The following LAMB2 variants were observed in gnomAD, a reference collection of about 807,000 sequenced individuals.
The protein encoded by LAMB2 is laminin subunit beta-2.
LAMB2 carries 119 observed loss-of-function variants against 202.7 expected under a neutral mutation model. The observed-to-expected ratio is 0.59, with a 90% CI of 0.51 to 0.68. The LOEUF is 0.68. Ranked by LOEUF, LAMB2 falls within the 30% of genes least tolerant of loss-of-function variation. The pLI is 0.00. For missense variants in LAMB2, 2,124 were observed against 2,410.6 expected (o/e 0.88, Z 2.49); for synonymous variants, 818 against 902.2 (o/e 0.91, Z 1.67).
Position 49,125,143 on chromosome 3 carries a change from G to C in LAMB2, c.2747C>G (p.Pro916Arg). The C allele has an allele frequency of 6.2e-7, 1 of 1,613,530 alleles. No homozygotes were observed. Among genetic ancestry groups the C allele is most frequent in the African/African-American group, 1.3e-5 (1 of 75,046 alleles). ...GCACTGGCCCCCATATGGCAGCCGT[G>C]GGTCCCCGTGGAAACCAGCAATGCA... ...ERCIAGFHGD[P>R]RLPYGGQCRP... Residue 916 changes from proline (P) to arginine (R), a missense_variant, in exon 20 of 32, where the codon CCA (proline) becomes CGA (arginine). By Grantham distance (103) the Pro-to-Arg change is moderately radical. Around this residue, in one of 3 missense-constraint regions of LAMB2, gnomAD observed 1,702 missense variants for 1,896.3 expected, o/e 0.90. Transcript: ENST00000305544.
In LAMB2 at chr3:49,131,182, C is replaced by T; in HGVS notation, c.713-30G>A. 1 of 1,604,332 alleles carries T rather than the reference C, an allele frequency of 6.2e-7. No individual in the cohort carries two copies. The highest frequency in any genetic ancestry group is 1.1e-5 in the South Asian group (1 of 90,730). On this transcript the variant is annotated intron_variant, in intron 6 of 31. Coordinates refer to ENST00000305544, the MANE Select transcript of LAMB2 (RefSeq NM_002292.4). This position sits in a 1 kb window ranked among gnomAD's most constrained non-coding sequence, Gnocchi z 5.0. ...GGCGGGGGAAGGGGGGCCAACTGAC[C>T]AGGCAGGCCCTTGCTGCCCCATGTC...
In LAMB2 at chr3:49,123,596, T is replaced by C. The variant is rs760928149; in HGVS notation, c.3833A>G (p.Gln1278Arg). Residue 1278 changes from glutamine to arginine, a missense_variant, in exon 25 of 32, where the codon CAG becomes CGG. This residue lies in a region of LAMB2 where 1,702 missense variants were observed against 1,896.3 expected (regional missense o/e 0.90). Coordinates refer to ENST00000305544, the MANE Select transcript of LAMB2 (RefSeq NM_002292.4). ...EIGEATEHLTQLEADLTDVQD... is the reference protein window; with the variant it reads ...EIGEATEHLTRLEADLTDVQD... The stretch of plus-strand genomic sequence containing the variant: ...CACATCTGTCAGGTCTGCCTCGAGC[T>C]GAGTCAGGTGCTCAGTGGCCTCCCC... 2 of 1,614,068 alleles carry C rather than the reference T, an allele frequency of 1.2e-6. No individual in the cohort carries two copies. Among genetic ancestry groups the C allele is most frequent in the Non-Finnish European group, 1.7e-6 (2 of 1,180,044 alleles).
chr3:49,132,672 A>C lies in LAMB2; in HGVS notation c.77-9T>G. 1 of 1,614,218 alleles carries C rather than the reference A, an allele frequency of 6.2e-7. No homozygotes were observed. The highest frequency in any genetic ancestry group is 8.5e-7 in the Non-Finnish European group (1 of 1,180,042). On this transcript the variant is annotated splice_polypyrimidine_tract_variant and intron_variant, in intron 1 of 31. Transcript: ENST00000305544. This position sits in a 1 kb window ranked among gnomAD's most constrained non-coding sequence, Gnocchi z 4.6. ...CAGTGTGGCAGCCAGCACTGGGGACAGTAGCTCAGTCAGTTCCGCTGAGTT... is the reference window on the plus strand; with the variant it reads ...CAGTGTGGCAGCCAGCACTGGGGACCGTAGCTCAGTCAGTTCCGCTGAGTT...
rs1044218277 is a variant in LAMB2, at chr3:49,133,035, T to A, written c.-168A>T. ...CAGCGGTCCCTCCGACAGCTTAGAG[T>A]CCAGCGACTTTGAGCAAAGTTGGGA... is the stretch of plus-strand genomic sequence containing the variant. On this transcript the variant is annotated 5_prime_UTR_variant, in exon 1 of 32. Coordinates refer to ENST00000305544, the MANE Select transcript of LAMB2 (RefSeq NM_002292.4). 1.1e-4 allele frequency: 72 copies of A among 633,782 alleles called. No individual in the cohort carries two copies. The African/African-American group carries it at 1.2e-3, about 10-fold the overall frequency. 39.3% of individuals were successfully genotyped at this position (633,782 alleles called of 1,614,324 possible). A position where few individuals can be genotyped will look rare whatever the true frequency, so the allele number is the denominator to read the frequency against.
Position 49,122,882 on chromosome 3 carries a change from C to G in LAMB2, c.4395G>C (p.Arg1465=), listed in dbSNP as rs146874007. The change falls in exon 27 of 32, where the codon CGG becomes CGC. Residue 1465 remains arginine, a synonymous_variant. Coordinates refer to ENST00000305544, the MANE Select transcript of LAMB2 (RefSeq NM_002292.4). ...RARHTQAELQ[R]ALAEGGSILS... is the part of the protein sequence containing the mutation. ...GGATGCTACCACCTTCTGCCAGTGC[C>G]CGCTGCAGCTCTGCCTGTGTGTGCC... 1 of 1,610,646 alleles carries G rather than the reference C, an allele frequency of 6.2e-7. No homozygotes were observed. The highest frequency in any genetic ancestry group is 8.5e-7 in the Non-Finnish European group (1 of 1,180,004).
At chr3:49,124,655 G>A (rs761299055) in intron 21 of LAMB2, 43 bp from the exon 22 acceptor site, 1 of 1,613,834 alleles carries the variant, frequency 6.2e-7, no homozygotes, top group South Asian at 1.1e-5. Flanking sequence ...AGGAGGCCAA[G>A]AAGCAGAACC....
chr3:49,130,396 G>C lies in LAMB2; in HGVS notation c.1060C>G (p.His354Asp), dbSNP rs1348409720. The change falls in exon 9 of 32, where the codon CAC becomes GAC. Residue 354 changes from histidine (H) to aspartate (D), a missense_variant. Transcript: ENST00000305544. This position sits in a 1 kb window ranked among gnomAD's most constrained non-coding sequence, Gnocchi z 5.0. The part of the protein sequence containing the change: ...CRKCECHGHT[H>D]SCHFDMAVYL... ...ACGGCCATGTCGAAGTGGCAGCTGT[G>C]GGTGTGCCCATGGCACTCACACTCT... is the stretch of plus-strand genomic sequence containing the variant. 1.2e-6 allele frequency: 2 copies of C among 1,613,902 alleles called. No individual in the cohort carries two copies. Among genetic ancestry groups the C allele is most frequent in the Non-Finnish European group, 1.7e-6 (2 of 1,180,050 alleles).
chr3:49,129,813 T>A lies in LAMB2; in HGVS notation c.1405+26A>T, dbSNP rs765293989. ...AGAGGACAGGGGTTAAAGGTCAGCATAGAAGTTAGGGCAGGAGACACATAC... is the reference window on the plus strand; with the variant it reads ...AGAGGACAGGGGTTAAAGGTCAGCAAAGAAGTTAGGGCAGGAGACACATAC... On this transcript the variant is annotated intron_variant, in intron 10 of 31. Transcript: ENST00000305544. The surrounding 1 kb of genome is among the most constrained non-coding windows in gnomAD (Gnocchi z 6.1). 49 of 1,613,436 alleles carry A rather than the reference T, an allele frequency of 3.0e-5. No homozygotes were observed. The highest frequency in any genetic ancestry group is 3.7e-5 in the Non-Finnish European group (44 of 1,179,854).
In LAMB2 at chr3:49,123,227, CCTT is replaced by C. The variant is rs761768465; in HGVS notation, c.4126_4128del (p.Lys1376del). Reference sequence around the variant, plus strand: ...GCCATGTGTTTGCTGTTGAAGTCCTCCTTCTGAGCATCCATCAGTGCCTCTGTC... The same window carrying C: ...GCCATGTGTTTGCTGTTGAAGTCCTCCTGAGCATCCATCAGTGCCTCTGTC... On this transcript the variant is annotated inframe_deletion, in exon 26 of 32. Coordinates refer to ENST00000305544, the MANE Select transcript of LAMB2 (RefSeq NM_002292.4). The C allele has an allele frequency of 3.1e-6, 5 of 1,613,916 alleles. No individual in the cohort carries two copies.
Position 49,121,504 on chromosome 3 carries a change from C to A in LAMB2, c.5189G>T (p.Arg1730Met), listed in dbSNP as rs1162814151. Residue 1730 changes from arginine (R) to methionine (M), a missense_variant, in exon 31 of 32, where the codon AGG (arginine) becomes ATG (methionine). Physicochemically the swap from Arg to Met is moderately conservative, Grantham distance 91. Transcript: ENST00000305544. ...AGCCTCATCCCGCAGTTGTTCTGCC[C>A]TTGCCTGTGCAGCCAGCACACCTTG... Reference protein sequence around the residue: ...KAQGVLAAQARAEQLRDEARD... With the variant: ...KAQGVLAAQAMAEQLRDEARD... 6.2e-7 allele frequency: 1 copy of A among 1,613,948 alleles called. No homozygotes were observed. The highest frequency in any genetic ancestry group is 8.5e-7 in the Non-Finnish European group (1 of 1,180,050).
rs771069165 is a variant in LAMB2 at position 49,122,046 on chromosome 3, T to C, written c.4821A>G (p.Val1607=). 2.3e-5 allele frequency: 37 copies of C among 1,613,570 alleles called. No homozygotes were observed. Among genetic ancestry groups the C allele is most frequent in the Non-Finnish European group, 3.1e-5 (37 of 1,180,034 alleles). ...AEDEKQKAET[V]QAALEEAQRA... ...GCTGGGCCTCCTCCAGTGCTGCCTG[T>C]ACTGTCTCTGCCTTCTGTTTCTCAT... Residue 1607 remains valine, a synonymous_variant, in exon 29 of 32, where the codon GTA becomes GTG. Coordinates refer to ENST00000305544, the MANE Select transcript of LAMB2 (RefSeq NM_002292.4).
In LAMB2 at chr3:49,122,855, G is replaced by A. The variant is rs779823135; in HGVS notation, c.4422C>T (p.Leu1474=). The A allele has an allele frequency of 1.2e-6, 2 of 1,611,000 alleles. No homozygotes were observed. Among genetic ancestry groups the A allele is most frequent in the Admixed American group, 3.3e-5 (2 of 59,726 alleles). ...QRALAEGGSI[L]SRVAETRRQA... Reference sequence around the variant, plus strand: ...GCCGACGAGTCTCAGCCACTCTGCTGAGGATGCTACCACCTTCTGCCAGTG... The same window carrying A: ...GCCGACGAGTCTCAGCCACTCTGCTAAGGATGCTACCACCTTCTGCCAGTG... The change falls in exon 27 of 32, where the codon CTC becomes CTT. Residue 1474 remains leucine (L), a synonymous_variant. Coordinates refer to ENST00000305544, the MANE Select transcript of LAMB2 (RefSeq NM_002292.4).
At position 49,131,742 on chromosome 3, in the gene LAMB2, C is replaced by T; in HGVS notation, c.460-19G>A. The T allele has an allele frequency of 6.2e-7, 1 of 1,612,148 alleles. No homozygotes were observed. Among genetic ancestry groups the T allele is most frequent in the Non-Finnish European group, 8.5e-7 (1 of 1,179,912 alleles). On this transcript the variant is annotated intron_variant, in intron 4 of 31. Coordinates refer to ENST00000305544, the MANE Select transcript of LAMB2 (RefSeq NM_002292.4). This position sits in a 1 kb window ranked among gnomAD's most constrained non-coding sequence, Gnocchi z 5.0. The stretch of plus-strand genomic sequence containing the variant: ...GAAATGTCTGGGTAGGGGGGCATAG[C>T]TGATCAGCAGGCACCAGGACCCAAG...
chr3:49,123,650 G>A lies in LAMB2; in HGVS notation c.3798-19C>T, dbSNP rs957184339. 1 of 1,613,866 alleles carries A rather than the reference G, an allele frequency of 6.2e-7. No individual in the cohort carries two copies. The highest frequency in any genetic ancestry group is 1.3e-5 in the African/African-American group (1 of 74,898). On this transcript the variant is annotated intron_variant, in intron 24 of 31. Transcript: ENST00000305544. ...TTCACGCCTGCAATGATGGAGAGGG[G>A]GGTGTTTAGAGAGGCTTCAGCCCTG...
chr3:49,124,981 C>T lies in LAMB2; in HGVS notation c.2884+25G>A, dbSNP rs770249522. 5.6e-6 allele frequency: 9 copies of T among 1,613,956 alleles called. No homozygotes were observed. The East Asian group carries it at 2.0e-4, about 36-fold the overall frequency. On this transcript the variant is annotated intron_variant, in intron 20 of 31. Transcript: ENST00000305544. The stretch of plus-strand genomic sequence containing the variant: ...CTCAGCCCAGCCAACTCACCCTGAT[C>T]CCACGCCTGCCCCCATCCACTCACC...
At position 49,121,473 on chromosome 3, in the gene LAMB2, G is replaced by C; in HGVS notation, c.5220C>G (p.Asp1740Glu). ...GCTTGTCCTGAGCGGCTTGCAACAG[G>C]TCCCGAGCCTCATCCCGCAGTTGTT... ...RAEQLRDEAR[D>E]LLQAAQDKLQ... The change falls in exon 31 of 32, where the codon GAC (aspartate) becomes GAG (glutamate). Residue 1740 changes from aspartate to glutamate, a missense_variant. By Grantham distance (45) the Asp-to-Glu change is conservative (BLOSUM62 2). Coordinates refer to ENST00000305544, the MANE Select transcript of LAMB2 (RefSeq NM_002292.4). 1 of 1,613,966 alleles carries C rather than the reference G, an allele frequency of 6.2e-7. No individual in the cohort carries two copies.
chr3:49,131,405 G>A lies in LAMB2; in HGVS notation c.686C>T (p.Pro229Leu). Residue 229 changes from proline to leucine, a missense_variant, in exon 6 of 32, where the codon CCA becomes CTA. By Grantham distance (98) the Pro-to-Leu change is moderately conservative. Coordinates refer to ENST00000305544, the MANE Select transcript of LAMB2 (RefSeq NM_002292.4). The surrounding 1 kb of genome is among the most constrained non-coding windows in gnomAD (Gnocchi z 5.0). ...CTGAATCCGTGAGCTGTAGGGGTCT[G>A]GGATAGGGATGGCAGGGTCCAGCAC... ...YRVLDPAIPI[P>L]DPYSSRIQNL... 1 of 1,614,194 alleles carries A rather than the reference G, an allele frequency of 6.2e-7. No homozygotes were observed. The highest frequency in any genetic ancestry group is 2.2e-5 in the East Asian group (1 of 44,890).
chr3:49,126,201 C>A (rs1193340231), intron 16 of LAMB2, 42 bp from the exon 17 acceptor site: 1 of 1,608,652 alleles, frequency 6.2e-7, no homozygotes, highest in Non-Finnish European at 8.5e-7. Flanking sequence ...AGACCTGGGA[C>A]CACGTAGGCA....
Position 49,121,860 on chromosome 3 carries a change from C to A in LAMB2, c.4924G>T (p.Val1642Leu). Residue 1642 changes from valine to leucine, a missense_variant and splice_region_variant, in exon 30 of 32, where the codon GTA becomes TTA. Around this residue, in one of 3 missense-constraint regions of LAMB2, gnomAD observed 1,702 missense variants for 1,896.3 expected, o/e 0.90. Transcript: ENST00000305544. ...TCTGCACCTGCCATCCTCTCCTGTACCTGCCATGGGTGAGCCAAAGGTTAC... is the reference window on the plus strand; with the variant it reads ...TCTGCACCTGCCATCCTCTCCTGTAACTGCCATGGGTGAGCCAAAGGTTAC... ...TRDTEQTLYQ[V>L]QERMAGAERA... 1 of 1,613,294 alleles carries A rather than the reference C, an allele frequency of 6.2e-7. No homozygotes were observed. The highest frequency in any genetic ancestry group is 8.5e-7 in the Non-Finnish European group (1 of 1,180,040).
Sources: allele counts gnomAD v4.1 joint callset, GRCh38; gene constraint gnomAD v4.1.1; regional missense constraint gnomAD v4.1.1; non-coding constraint Gnocchi (gnomAD v3.1); transcripts MANE v1.5; gene names NCBI Gene and HGNC (gene_info 2026-07-23, HGNC 2026-07-21).